The following RNF180 variants were observed in gnomAD, a reference collection of about 807,000 sequenced individuals.
RNF180 encodes E3 ubiquitin-protein ligase RNF180.
A neutral mutation model predicts 59.2 loss-of-function variants in RNF180; 38 were observed. The observed-to-expected ratio is 0.64, with a 90% CI of 0.50 to 0.84. The LOEUF (loss-of-function observed/expected upper bound fraction) is 0.84, where lower values mean the gene tolerates loss of function less well. Among genes scored for constraint, RNF180 ranks in the 40% least tolerant of loss-of-function variants. The pLI is 0.00. For missense variants in RNF180, 705 were observed against 700.9 expected (o/e 1.01, Z -0.07); for synonymous variants, 262 against 240.3 (o/e 1.09, Z -0.84).
chr5:64,361,099 A>T (rs968190890), intron 7 of RNF180, among the ~76,000 whole-genome samples: 1 of 151,434 alleles, frequency 6.6e-6, no homozygotes, highest in Admixed American at 6.6e-5. Context: ...ACATTGATCC[A>T]TGGAAAATTG....
intron 5 of RNF180, among the ~76,000 whole-genome samples, chr5:64,238,019 A>C (rs1742555703): frequency 6.6e-6 from 1 of 152,176 alleles, no homozygotes; most frequent in Admixed American, 6.5e-5. Flanking sequence ...TCTTTATAGC[A>C]GTGTGAGAAC....
chr5:64,347,513 C>T (rs905925707), intron 7 of RNF180, among the ~76,000 whole-genome samples: 1 of 151,908 alleles, frequency 6.6e-6, no homozygotes. Flanking sequence ...CCTTTTTTGC[C>T]AGCTGGTGGA....
intron 5 of RNF180, among the ~76,000 whole-genome samples, chr5:64,241,813 G>A (rs1742825312): frequency 6.6e-6 from 1 of 152,106 alleles, no homozygotes; most frequent in Non-Finnish European, 1.5e-5. Flanking sequence ...ACCCTAGGCA[G>A]CACAACACAG....
chr5:64,204,134 T>C (rs532438154), intron 2 of RNF180, among the ~76,000 whole-genome samples: 65 of 151,902 alleles, frequency 4.3e-4, no homozygotes, highest in African/African-American at 1.5e-3. Flanking sequence ...GTAGATTTAG[T>C]TCATTTTCAC....
chr5:64,348,236 C>T (rs1156231259), intron 7 of RNF180, among the ~76,000 whole-genome samples: 1 of 151,932 alleles, frequency 6.6e-6, no homozygotes, highest in Non-Finnish European at 1.5e-5. Flanking sequence ...AACAATAATA[C>T]ATGCCACAGG....
At chr5:64,338,987 CTG>C (rs977555863) in intron 7 of RNF180, among the ~76,000 whole-genome samples, 6 of 151,830 alleles carry the variant, frequency 4.0e-5, no homozygotes, top group Non-Finnish European at 5.9e-5. Context: ...ATTTTTTATA[CTG>C]TGTTTTGTCA....
intron 7 of RNF180, among the ~76,000 whole-genome samples, chr5:64,368,839 G>T (rs1746547606): frequency 6.6e-6 from 1 of 151,964 alleles, no homozygotes; most frequent in Admixed American, 6.6e-5. Flanking sequence ...TGGAGAAATA[G>T]GAACACTTTT....
At chr5:64,344,680 TC>T (rs1745487280) in intron 7 of RNF180, among the ~76,000 whole-genome samples, 1 of 152,102 alleles carries the variant, frequency 6.6e-6, no homozygotes, top group East Asian at 1.9e-4. Flanking sequence ...CCCCTTCACT[TC>T]TACTTCCTGT....
chr5:64,248,968 G>C (rs80229018), intron 5 of RNF180, among the ~76,000 whole-genome samples: 7,470 of 152,130 alleles, frequency 0.049, 607 homozygotes, highest in African/African-American at 0.16. Flanking sequence ...CGAGGATGAA[G>C]CTGGAAACTA....
intron 5 of RNF180, among the ~76,000 whole-genome samples, chr5:64,253,726 T>C (rs771907087): frequency 6.6e-6 from 1 of 152,112 alleles, no homozygotes; most frequent in Non-Finnish European, 1.5e-5. Context: ...CATTTTTTTC[T>C]TGAGTCTTTA....
At chr5:64,280,905 A>G (rs1291265620) in intron 5 of RNF180, among the ~76,000 whole-genome samples, 2 of 152,188 alleles carry the variant, frequency 1.3e-5, no homozygotes, top group Non-Finnish European at 2.9e-5. Context: ...GGCCATTTTA[A>G]TAACATTGAT....
chr5:64,365,335 G>T (rs1308495686), intron 7 of RNF180, among the ~76,000 whole-genome samples: 1 of 151,444 alleles, frequency 6.6e-6, no homozygotes, highest in Admixed American at 6.6e-5. Context: ...CTTCTTATTG[G>T]ATTCTGTTTT....
intron 1 of RNF180, among the ~76,000 whole-genome samples, chr5:64,175,427 G>A (rs1044389647): frequency 2.0e-5 from 3 of 152,176 alleles, no homozygotes; most frequent in Admixed American, 1.3e-4. Context: ...AAATCAGTTG[G>A]TTGTAAGTGT....
intron 5 of RNF180, among the ~76,000 whole-genome samples, chr5:64,265,994 A>G (rs910783044): frequency 6.6e-6 from 1 of 152,136 alleles, no homozygotes; most frequent in African/African-American, 2.4e-5. Context: ...TGTGAATAGG[A>G]GTTCACTCAT....
At chr5:64,227,859 T>A (rs1242889163) in intron 5 of RNF180, among the ~76,000 whole-genome samples, 1 of 152,226 alleles carries the variant, frequency 6.6e-6, no homozygotes, top group African/African-American at 2.4e-5. Flanking sequence ...TTATTTACCA[T>A]GTCAACCAAG....
chr5:64,334,469 C>T (rs1745039297), intron 7 of RNF180, among the ~76,000 whole-genome samples: 1 of 151,828 alleles, frequency 6.6e-6, no homozygotes, highest in Non-Finnish European at 1.5e-5. Context: ...CTGTTGAGGC[C>T]TGAAAAAAAA....
At chr5:64,260,030 G>A (rs1377449453) in intron 5 of RNF180, among the ~76,000 whole-genome samples, 2 of 152,054 alleles carry the variant, frequency 1.3e-5, no homozygotes, top group African/African-American at 4.8e-5. Context: ...ATTATTTTAG[G>A]ATGTCCTCAT....
chr5:64,321,769 A>T (rs12109139), intron 5 of RNF180, among the ~76,000 whole-genome samples: 157 of 152,320 alleles, frequency 1.0e-3, no homozygotes, highest in African/African-American at 3.6e-3. Flanking sequence ...AAACTATACT[A>T]CAAGGCTACA....
At position 64,198,619 on chromosome 5, in the gene RNF180, G is replaced by A. The variant is rs1162041595; in HGVS notation, c.1-2189G>A. On this transcript the variant is annotated intron_variant, in intron 1 of 7. Coordinates refer to ENST00000389100, the MANE Select transcript of RNF180 (RefSeq NM_001113561.2). Reference sequence around the variant, plus strand: ...TCAGGGTTGGAGGGCACAGGCAGATGTAGAGTTTCTCCATACTTGATTCTG... The same window carrying A: ...TCAGGGTTGGAGGGCACAGGCAGATATAGAGTTTCTCCATACTTGATTCTG... Among the ~76,000 whole-genome samples, 6 of 152,162 alleles carry A rather than the reference G, an allele frequency of 3.9e-5. No homozygotes were observed. The East Asian group carries it at 9.6e-4, about 24-fold the overall frequency.
Sources: allele counts gnomAD v4.1 joint callset (sites outside exome capture counted in the v4.1 genomes callset), GRCh38; gene constraint gnomAD v4.1.1; transcripts MANE v1.5; gene names NCBI Gene and HGNC (gene_info 2026-07-23, HGNC 2026-07-21).